The following BCAR1 variants were observed in gnomAD, a reference collection of about 807,000 sequenced individuals.
The protein encoded by BCAR1 is breast cancer anti-estrogen resistance protein 1.
BCAR1 carries 30 observed loss-of-function variants against 67.6 expected under a neutral mutation model. That is an observed-to-expected ratio of 0.44 (90% CI 0.33 to 0.60). The LOEUF (loss-of-function observed/expected upper bound fraction) is 0.60. Ranked by LOEUF, BCAR1 falls within the 20% of genes least tolerant of loss-of-function variation. The pLI is 0.02. For synonymous variants in BCAR1, 626 were observed against 556.7 expected (o/e 1.12, Z -1.75); for missense variants, 1,313 against 1,222.3 (o/e 1.07, Z -1.11).
At position 75,231,312 on chromosome 16, in the gene BCAR1, T is replaced by A. The variant is rs1001169188; in HGVS notation, c.2101-1289A>T. Among the ~76,000 whole-genome samples, 10 of 152,182 alleles carry A rather than the reference T, an allele frequency of 6.6e-5. 1 individual carries two copies. The highest frequency in any genetic ancestry group is 5.9e-4 in the Admixed American group (9 of 15,268). On this transcript the variant is annotated intron_variant, in intron 6 of 6. Coordinates refer to ENST00000162330, the MANE Select transcript of BCAR1 (RefSeq NM_014567.5). ...GTTGGCCAAGCTGGTCTCAAACTCC[T>A]GACCTCAGATGATCCTCCCGCCTCT...
At chr16:75,263,176 T>G in intron 1 of BCAR1, 1 of 983,384 alleles carries the variant, frequency 1.0e-6, no homozygotes, top group South Asian at 4.7e-5. Flanking sequence ...CCACACTCAC[T>G]TCACAGATGG....
intron 2 of BCAR1, among the ~76,000 whole-genome samples, chr16:75,241,124 TTGTA>T (rs1202713960): frequency 1.3e-5 from 2 of 152,198 alleles, no homozygotes; most frequent in African/African-American, 2.4e-5. Flanking sequence ...TGCACACGCT[TTGTA>T]TGTGTGGACG....
At chr16:75,246,099 CT>C (rs1210035533) in intron 1 of BCAR1, 2 of 149,186 alleles carry the variant, frequency 1.3e-5, no homozygotes, top group Non-Finnish European at 3.0e-5. Context: ...CCACCTTAGC[CT>C]CCCAAGTAGC....
chr16:75,252,333 G>A (rs1223969915), upstream of BCAR1: 2 of 1,535,774 alleles, frequency 1.3e-6, no homozygotes, highest in East Asian at 2.4e-5. Context: ...TAAAACCTGG[G>A]CCTAGTACCC....
At chr16:75,236,303 T>C (rs1384997081) in intron 4 of BCAR1, 5 of 460,572 alleles carry the variant, frequency 1.1e-5, no homozygotes, top group Admixed American at 4.0e-5. Context: ...AAGAATTGCA[T>C]GTGTTAATTC....
intron 1 of BCAR1, among the ~76,000 whole-genome samples, chr16:75,245,789 C>T (rs1215277783): frequency 1.3e-5 from 2 of 152,120 alleles, no homozygotes; most frequent in Non-Finnish European, 2.9e-5. Flanking sequence ...CCAGGGCCCC[C>T]GCCTCTCCGG....
intron 2 of BCAR1, chr16:75,238,113 C>T (rs1223505967): frequency 7.8e-7 from 1 of 1,288,678 alleles, no homozygotes; most frequent in Non-Finnish European, 1.0e-6. Flanking sequence ...CCCAGGGAAG[C>T]CAAGGCCCGC....
chr16:75,252,147 C>T (rs2077695705), upstream of BCAR1: 1 of 1,506,106 alleles, frequency 6.6e-7, no homozygotes, highest in Non-Finnish European at 8.9e-7. Flanking sequence ...TGTAGACGGT[C>T]CCACCGTGTA....
Position 75,266,027 on chromosome 16 carries a change from C to G in BCAR1, c.66+1888G>C, listed in dbSNP as rs377520691. On this transcript the variant is annotated intron_variant, in intron 1 of 6. Transcript: ENST00000393422. The stretch of plus-strand genomic sequence containing the variant: ...GCGCATGCGCCGCCCGCGCCGCCCC[C>G]CCCACCGTCTCCGCGGCCAGGGACG... 57 of 996,994 alleles carry G rather than the reference C, an allele frequency of 5.7e-5. 1 individual carries two copies. The Middle Eastern group carries it at 5.0e-3, about 87-fold the overall frequency. 61.8% of individuals were successfully genotyped at this position (996,994 alleles called of 1,614,324 possible).
chr16:75,261,832 C>G (rs1040570583), intron 1 of BCAR1, among the ~76,000 whole-genome samples: 2 of 152,250 alleles, frequency 1.3e-5, no homozygotes, highest in Non-Finnish European at 2.9e-5. Flanking sequence ...GCCTCCTCCC[C>G]ACGCTGGCTG....
At chr16:75,264,621 T>C in intron 1 of BCAR1, 1 of 1,268,318 alleles carries the variant, frequency 7.9e-7, no homozygotes, top group Non-Finnish European at 9.9e-7. Context: ...CATTACCACT[T>C]CTGGAGGCGA....
At chr16:75,239,640 G>A (rs1463524444) in intron 2 of BCAR1, among the ~76,000 whole-genome samples, 1 of 152,200 alleles carries the variant, frequency 6.6e-6, no homozygotes, top group Non-Finnish European at 1.5e-5. Flanking sequence ...TCCCAATCCA[G>A]GAGCCTCGTT....
Position 75,235,779 on chromosome 16 carries a change from C to G in BCAR1, c.1120G>C (p.Val374Leu). The G allele has an allele frequency of 6.3e-7, 1 of 1,592,544 alleles. No individual in the cohort carries two copies. Among genetic ancestry groups the G allele is most frequent in the Non-Finnish European group, 8.6e-7 (1 of 1,168,390 alleles). ...VPPPAPDLYD[V>L]PPGLRRPGPG... ...CCAGGCCGCCGCAAGCCAGGGGGCA[C>G]GTCGTAGAGGTCAGGAGCCGGGGGC... Residue 374 changes from valine (V) to leucine (L), a missense_variant, in exon 5 of 7, where the codon GTG becomes CTG. This residue lies in a region of BCAR1 where 1,272 missense variants were observed against 1,137.5 expected (regional missense o/e 1.12). Transcript: ENST00000162330.
At chr16:75,254,395 A>C (rs151246830), upstream of BCAR1, among the ~76,000 whole-genome samples, 1 of 152,190 alleles carries the variant, frequency 6.6e-6, no homozygotes, top group Non-Finnish European at 1.5e-5. Context: ...CCACCCCACT[A>C]AGTTTAGCCC....
upstream of BCAR1, among the ~76,000 whole-genome samples, chr16:75,253,163 C>A (rs147853370): frequency 6.6e-6 from 1 of 152,222 alleles, no homozygotes; most frequent in Non-Finnish European, 1.5e-5. Flanking sequence ...CTGCCTGGAG[C>A]ATCTCCTCCT....
In BCAR1 at chr16:75,242,740, G is replaced by A; in HGVS notation, c.363C>T (p.Ser121=). The A allele has an allele frequency of 1.9e-6, 3 of 1,586,770 alleles. No homozygotes were observed. The highest frequency in any genetic ancestry group is 2.6e-6 in the Non-Finnish European group (3 of 1,166,776). ...CTTGGTAGAGGCCTTGCTGAGCCTT[G>A]CTGGGAGTGGGCACCAGGTAGACGC... The part of the protein sequence containing the change: ...PDSVYLVPTP[S]KAQQGLYQVP... Residue 121 remains serine (S), a synonymous_variant, in exon 2 of 7, where the codon AGC becomes AGT. Coordinates refer to ENST00000162330, the MANE Select transcript of BCAR1 (RefSeq NM_014567.5).
chr16:75,252,214 C>T, upstream of BCAR1: 1 of 1,536,628 alleles, frequency 6.5e-7, no homozygotes, highest in Non-Finnish European at 8.7e-7. Context: ...CGACCCAGCG[C>T]TTTTCACGGG....
chr16:75,260,301 A>C (rs2077875770), intron 1 of BCAR1, among the ~76,000 whole-genome samples: 1 of 152,128 alleles, frequency 6.6e-6, no homozygotes, highest in Admixed American at 6.5e-5. Context: ...GACATTTGTT[A>C]TTTTGATTCG....
chr16:75,258,033 C>T (rs1567623514), intron 1 of BCAR1, among the ~76,000 whole-genome samples: 1 of 152,352 alleles, frequency 6.6e-6, no homozygotes, highest in East Asian at 1.9e-4. Context: ...GGCCATCAGA[C>T]TGATGGCACA....
Sources: gnomAD v4.1 joint callset for allele counts (sites outside exome capture counted in the v4.1 genomes callset) on GRCh38, gnomAD v4.1.1 for gene constraint, gnomAD v4.1.1 regional missense constraint, MANE v1.5 for transcripts, NCBI Gene and HGNC (gene_info 2026-07-23, HGNC 2026-07-21) for gene names.